The following CYP7B1 variants were observed in gnomAD, a reference collection of about 807,000 sequenced individuals.
CYP7B1 encodes the protein cytochrome P450 family 7 subfamily B member 1, also known as cytochrome P450 7B1.
In CYP7B1, 29 loss-of-function variants were observed where a neutral mutation model predicts 42.7. The observed-to-expected ratio is 0.68, with a 90% confidence interval of 0.51 to 0.93. CYP7B1 has a LOEUF of 0.93. Ranked by LOEUF, CYP7B1 falls within the 40% of genes least tolerant of loss-of-function variation. The pLI, the probability that CYP7B1 is intolerant of heterozygous loss-of-function variation, is 0.00. For missense variants in CYP7B1, 655 were observed against 600.5 expected, an observed-to-expected ratio of 1.09 and a Z score of -0.95; for synonymous variants, 235 against 218.2, an observed-to-expected ratio of 1.08 and a Z score of -0.68.
rs1471669933 is a variant in CYP7B1, at chr8:64,615,761, C to G, written c.780G>C (p.Trp260Cys). 1 of 1,613,662 alleles carries G rather than the reference C, an allele frequency of 6.2e-7. No individual in the cohort carries two copies. The highest frequency in any genetic ancestry group is 1.3e-5 in the African/African-American group (1 of 74,896). Residue 260 changes from tryptophan (W) to cysteine (C), a missense_variant, in exon 3 of 6, where the codon TGG (tryptophan) becomes TGC (cysteine). Coordinates refer to ENST00000310193, the MANE Select transcript of CYP7B1 (RefSeq NM_004820.5). ...SSEKLAKMQGWSEVFQSRQDV... is the reference protein window; with the variant it reads ...SSEKLAKMQGCSEVFQSRQDV... Reference sequence around the variant, plus strand: ...CTTGCCTGCTTTGAAAAACTTCTGACCATCCTTGCATCTTGGCTAACTTTT... The same window carrying G: ...CTTGCCTGCTTTGAAAAACTTCTGAGCATCCTTGCATCTTGGCTAACTTTT...
intron 1 of CYP7B1, among the ~76,000 whole-genome samples, chr8:64,691,483 G>T (rs979364177): frequency 6.4e-5 from 1 of 15,510 alleles, no homozygotes; most frequent in African/African-American, 1.5e-4. Flanking sequence ...GATGGCAACT[G>T]GGGGGGGGGG....
intron 1 of CYP7B1, chr8:64,734,519 T>C (rs987049572): frequency 6.6e-6 from 1 of 152,178 alleles, no homozygotes; most frequent in Non-Finnish European, 1.5e-5. Context: ...ATTAATCCAT[T>C]CATGATGGCA....
intron 1 of CYP7B1, among the ~76,000 whole-genome samples, chr8:64,756,520 G>T (rs750903471): frequency 6.6e-6 from 1 of 152,212 alleles, no homozygotes; most frequent in Non-Finnish European, 1.5e-5. Context: ...AAAGGAACCA[G>T]AATGGGGGCT....
chr8:64,695,529 A>T (rs1003815126), intron 1 of CYP7B1, among the ~76,000 whole-genome samples: 3 of 151,676 alleles, frequency 2.0e-5, no homozygotes, highest in African/African-American at 7.3e-5. Context: ...TTAAGGAAGC[A>T]TTGTAAGTTT....
At chr8:64,665,891 T>C (rs990007187) in intron 1 of CYP7B1, among the ~76,000 whole-genome samples, 1 of 152,130 alleles carries the variant, frequency 6.6e-6, no homozygotes, top group African/African-American at 2.4e-5. Context: ...TTTAATAAGA[T>C]CTCTTGGCAA....
intron 1 of CYP7B1, among the ~76,000 whole-genome samples, chr8:64,722,755 GGC>G (rs1563405013): frequency 1.1e-3 from 87 of 82,522 alleles, no homozygotes; most frequent in African/African-American, 2.2e-3. Context: ...GGGGGGGGGG[GGC>G]GGGAGGTTTT....
intron 5 of CYP7B1, among the ~76,000 whole-genome samples, chr8:64,600,900 T>C (rs1277213001): frequency 2.0e-5 from 3 of 152,162 alleles, no homozygotes; most frequent in African/African-American, 7.2e-5. Flanking sequence ...CAGGGCTGAG[T>C]CCCTATACTG....
intron 1 of CYP7B1, among the ~76,000 whole-genome samples, chr8:64,669,767 C>T (rs1344905848): frequency 1.3e-5 from 2 of 151,758 alleles, no homozygotes; most frequent in Non-Finnish European, 2.9e-5. Flanking sequence ...CCCTCCCCAG[C>T]AACTCTGGAG....
intron 4 of CYP7B1, among the ~76,000 whole-genome samples, chr8:64,613,707 A>C (rs1805394224): frequency 2.0e-5 from 3 of 152,182 alleles, no homozygotes; most frequent in Admixed American, 2.0e-4. Context: ...ATTTTTTTAA[A>C]AGAAAATATA....
intron 1 of CYP7B1, among the ~76,000 whole-genome samples, chr8:64,624,907 C>T (rs1585814556): frequency 6.6e-6 from 1 of 150,772 alleles, no homozygotes; most frequent in East Asian, 1.9e-4. Context: ...CCCACCCTTC[C>T]CCCTGGGTAC....
chr8:64,667,299 CACATTCCCTCG>C (rs1415851313), intron 1 of CYP7B1, among the ~76,000 whole-genome samples: 26 of 150,826 alleles, frequency 1.7e-4, no homozygotes, highest in African/African-American at 6.1e-4. Context: ...GGCAGAATGA[CACATTCCCTCG>C]GGGGGCTCAT....
At chr8:64,761,416 A>G (rs993914946) in intron 1 of CYP7B1, among the ~76,000 whole-genome samples, 4 of 152,132 alleles carry the variant, frequency 2.6e-5, no homozygotes, top group African/African-American at 9.7e-5. Context: ...CATAAGATAT[A>G]CTCATATAAA....
intron 1 of CYP7B1, among the ~76,000 whole-genome samples, chr8:64,669,960 C>G (rs775792037): frequency 1.3e-4 from 20 of 152,192 alleles, no homozygotes; most frequent in Non-Finnish European, 2.2e-4. Flanking sequence ...TCCAGATTTG[C>G]CTTTTTGTTT....
chr8:64,765,276 C>T (rs149297504), intron 1 of CYP7B1, among the ~76,000 whole-genome samples: 11 of 152,274 alleles, frequency 7.2e-5, no homozygotes, highest in East Asian at 1.9e-4. Flanking sequence ...CCTAATCTTG[C>T]GGCCTTAGAC....
intron 1 of CYP7B1, among the ~76,000 whole-genome samples, chr8:64,774,933 C>T (rs1804298313): frequency 6.6e-6 from 1 of 152,170 alleles, no homozygotes; most frequent in Non-Finnish European, 1.5e-5. Flanking sequence ...TTCTAAAGCC[C>T]TGCTCTTTAG....
At chr8:64,590,709 TA>T (rs1805022780), downstream of CYP7B1, among the ~76,000 whole-genome samples, 2 of 152,194 alleles carry the variant, frequency 1.3e-5, no homozygotes, top group African/African-American at 2.4e-5. Context: ...ATGATAAGAA[TA>T]TATGTGTACG....
At chr8:64,782,845 G>C (rs1040658102) in intron 1 of CYP7B1, among the ~76,000 whole-genome samples, 1 of 152,064 alleles carries the variant, frequency 6.6e-6, no homozygotes, top group Non-Finnish European at 1.5e-5. Context: ...TTTTATTTTA[G>C]GGTCATCATG....
chr8:64,678,965 T>A (rs761873993), intron 1 of CYP7B1, among the ~76,000 whole-genome samples: 1 of 151,732 alleles, frequency 6.6e-6, no homozygotes, highest in Non-Finnish European at 1.5e-5. Context: ...CAAGACAGCA[T>A]AATGGCAACT....
intron 1 of CYP7B1, among the ~76,000 whole-genome samples, chr8:64,696,487 T>C (rs919966209): frequency 6.6e-6 from 1 of 152,148 alleles, no homozygotes. Context: ...CTTTTGCAGA[T>C]GAAAAATGAA....
Sources: gnomAD v4.1 joint callset for allele counts (sites outside exome capture counted in the v4.1 genomes callset) on GRCh38, gnomAD v4.1.1 for gene constraint, MANE v1.5 for transcripts, NCBI Gene and HGNC (gene_info 2026-07-23, HGNC 2026-07-21) for gene names.